SSBP2: variants seen among roughly 807,000 people sequenced by gnomAD.
The protein encoded by SSBP2 is single stranded DNA binding protein 2.
Under a neutral mutation model 61.8 loss-of-function variants are expected in SSBP2, and 17 were observed. The ratio of observed to expected loss-of-function variants is 0.28; its 90% CI spans 0.19 to 0.41. SSBP2 has a LOEUF of 0.41. Ranked by LOEUF, SSBP2 falls within the 10% of genes least tolerant of loss-of-function variation. The pLI, the probability that SSBP2 is intolerant of heterozygous loss-of-function variation, is 1.00. For synonymous variants in SSBP2, 139 were observed against 141.3 expected (o/e 0.98, Z 0.12); for missense variants, 310 against 458.7 (o/e 0.68, Z 2.96).
intron 8 of SSBP2, among the ~76,000 whole-genome samples, chr5:81,471,021 T>C (rs1190177320): frequency 6.6e-6 from 1 of 151,890 alleles, no homozygotes; most frequent in African/African-American, 2.4e-5. Flanking sequence ...ATGATATGTA[T>C]GTATAAATAA....
At chr5:81,426,357 C>G (rs1321436666) in intron 16 of SSBP2, among the ~76,000 whole-genome samples, 1 of 152,186 alleles carries the variant, frequency 6.6e-6, no homozygotes, top group Admixed American at 6.5e-5. Context: ...GCTGTACTAC[C>G]CTCCAGGGTG....
chr5:81,431,020 G>A (rs780268815), intron 15 of SSBP2, among the ~76,000 whole-genome samples: 18 of 152,240 alleles, frequency 1.2e-4, no homozygotes, highest in Admixed American at 2.6e-4. Flanking sequence ...GGGCTAAAGG[G>A]CATATTCAAT....
intron 1 of SSBP2, among the ~76,000 whole-genome samples, chr5:81,747,761 A>G (rs982439674): frequency 6.6e-6 from 1 of 152,206 alleles, no homozygotes; most frequent in Admixed American, 6.5e-5. Flanking sequence ...CAACAAACTT[A>G]TATTTTAGGG....
intron 1 of SSBP2, among the ~76,000 whole-genome samples, chr5:81,677,463 A>C (rs941537859): frequency 1.3e-5 from 2 of 152,128 alleles, no homozygotes; most frequent in Non-Finnish European, 2.9e-5. Context: ...CCAGGGAAGG[A>C]AAATCTAATC....
intron 4 of SSBP2, among the ~76,000 whole-genome samples, chr5:81,577,953 C>A (rs1774357356): frequency 6.6e-6 from 1 of 152,044 alleles, no homozygotes; most frequent in Middle Eastern, 3.4e-3. Context: ...ATATTTAATT[C>A]TACTAAAACC....
intron 1 of SSBP2, among the ~76,000 whole-genome samples, chr5:81,747,213 A>C (rs1757415693): frequency 6.6e-6 from 1 of 152,102 alleles, no homozygotes; most frequent in African/African-American, 2.4e-5. Context: ...CTGTTCCCTA[A>C]ATCTGTAGCA....
intron 1 of SSBP2, among the ~76,000 whole-genome samples, chr5:81,678,000 G>A (rs1033437494): frequency 1.1e-4 from 16 of 152,080 alleles, no homozygotes; most frequent in African/African-American, 3.9e-4. Context: ...ATCATGTCTG[G>A]CTTTAAGAAA....
intron 1 of SSBP2, among the ~76,000 whole-genome samples, chr5:81,652,123 A>C (rs950994894): frequency 1.1e-4 from 17 of 152,200 alleles, no homozygotes; most frequent in African/African-American, 3.9e-4. Context: ...TGAAAGTGAG[A>C]GGCAGAGAGT....
intron 1 of SSBP2, among the ~76,000 whole-genome samples, chr5:81,742,432 T>C (rs1757088128): frequency 6.6e-6 from 1 of 152,226 alleles, no homozygotes. Context: ...TATTTCCAAT[T>C]CATTACATCC....
At chr5:81,717,617 C>T (rs1755248037) in intron 1 of SSBP2, among the ~76,000 whole-genome samples, 1 of 152,078 alleles carries the variant, frequency 6.6e-6, no homozygotes, top group Admixed American at 6.6e-5. Flanking sequence ...TCCTTCCCAC[C>T]CATTTTAAAC....
intron 1 of SSBP2, among the ~76,000 whole-genome samples, chr5:81,744,208 C>G (rs1757211425): frequency 6.6e-6 from 1 of 152,170 alleles, no homozygotes; most frequent in South Asian, 2.1e-4. Flanking sequence ...TCTTTATATA[C>G]TATTTAGGAT....
intron 4 of SSBP2, among the ~76,000 whole-genome samples, chr5:81,601,287 A>T (rs887782231): frequency 2.0e-5 from 3 of 152,210 alleles, no homozygotes; most frequent in Non-Finnish European, 4.4e-5. Context: ...AATAAAAATC[A>T]ATCAGGTAGG....
chr5:81,608,330 G>C (rs1273098083), intron 4 of SSBP2, among the ~76,000 whole-genome samples: 1 of 151,322 alleles, frequency 6.6e-6, no homozygotes, highest in Non-Finnish European at 1.5e-5. Context: ...TTTAATTCAG[G>C]GGCTGAATTT....
intron 9 of SSBP2, among the ~76,000 whole-genome samples, chr5:81,465,018 T>C (rs1023126326): frequency 2.0e-5 from 3 of 151,998 alleles, no homozygotes; most frequent in African/African-American, 4.8e-5. Context: ...ATAGTTACAC[T>C]CTTATAGAGC....
At chr5:81,750,943 T>G in intron 1 of SSBP2, 38 bp downstream of exon 1, 1 of 1,557,542 alleles carries the variant, frequency 6.4e-7, no homozygotes. Context: ...TGTGCGCGCG[T>G]GTGAAGGCGG....
intron 5 of SSBP2, among the ~76,000 whole-genome samples, chr5:81,495,866 G>T (rs1267292961): frequency 6.6e-6 from 1 of 151,570 alleles, no homozygotes; most frequent in Non-Finnish European, 1.5e-5. Context: ...TAATAATAAA[G>T]AAAATTAAAA....
At chr5:81,658,881 T>C (rs1290165135) in intron 1 of SSBP2, among the ~76,000 whole-genome samples, 1 of 152,204 alleles carries the variant, frequency 6.6e-6, no homozygotes, top group Non-Finnish European at 1.5e-5. Context: ...AATCAATAAA[T>C]GTAATCCATC....
intron 4 of SSBP2, among the ~76,000 whole-genome samples, chr5:81,569,837 G>A (rs1028703411): frequency 1.3e-5 from 2 of 152,058 alleles, no homozygotes; most frequent in African/African-American, 4.8e-5. Context: ...TTGATATCAT[G>A]GCCTGAATTC....
intron 1 of SSBP2, among the ~76,000 whole-genome samples, chr5:81,715,835 T>C (rs913800758): frequency 2.0e-5 from 3 of 152,084 alleles, no homozygotes; most frequent in East Asian, 1.9e-4. Flanking sequence ...GGCAAGAGGA[T>C]TGCTTGAGCC....
Sources: allele counts gnomAD v4.1 joint callset (sites outside exome capture counted in the v4.1 genomes callset), GRCh38; gene constraint gnomAD v4.1.1; transcripts MANE v1.5; gene names NCBI Gene and HGNC (gene_info 2026-07-23, HGNC 2026-07-21).